KLC1: variants seen among roughly 807,000 people sequenced by gnomAD.
The protein encoded by KLC1 is kinesin 2 60/70kDa.
KLC1 carries 30 observed loss-of-function variants against 84.2 expected under a neutral mutation model. The observed-to-expected ratio is 0.36, with a 90% CI of 0.27 to 0.48. KLC1 has a LOEUF of 0.48. Ranked by LOEUF, KLC1 falls within the 20% of genes least tolerant of loss-of-function variation. The pLI is 0.99. For missense variants in KLC1, 499 were observed against 805.4 expected (o/e 0.62, Z 4.60); for synonymous variants, 289 against 293.3 (o/e 0.99, Z 0.15).
At chr14:103,677,603 G>A (rs1354782059) in intron 12 of KLC1, 80 bp downstream of exon 12, 1 of 817,428 alleles carries the variant, frequency 1.2e-6, no homozygotes, top group East Asian at 2.5e-5. Flanking sequence ...TTTATTGAAA[G>A]CTTGATTTAG....
rs899652933 is a variant in KLC1 at position 103,693,679 on chromosome 14, C to T, written c.1848+1254C>T. The T allele has an allele frequency of 2.0e-6, 3 of 1,522,678 alleles. No homozygotes were observed. The highest frequency in any genetic ancestry group is 2.6e-6 in the Non-Finnish European group (3 of 1,138,926). 94.3% of individuals were successfully genotyped at this position (1,522,678 alleles called of 1,614,324 possible). A position where few individuals can be genotyped will look rare whatever the true frequency, so the allele number is the denominator to read the frequency against. ...TGAGACCGCCCCGCCCTGCCACGCC[C>T]CTCACCGCCCTGCCCGGAGGCGCCA... On this transcript the variant is annotated intron_variant, in intron 15 of 16. Coordinates refer to ENST00000334553, the MANE Select transcript of KLC1 (RefSeq NM_001394837.1). The surrounding 1 kb of genome is among the most constrained non-coding windows in gnomAD (Gnocchi z 5.1).
chr14:103,670,024 T>C (rs1268167805), intron 6 of KLC1, among the ~76,000 whole-genome samples, 158 bp from the exon 7 acceptor site: 1 of 152,192 alleles, frequency 6.6e-6, no homozygotes, highest in Non-Finnish European at 1.5e-5. Context: ...ATCTATACTC[T>C]AGTGAATTGC....
chr14:103,700,765 C>A, intron 16 of KLC1, 38 bp downstream of exon 16: 1 of 1,505,994 alleles, frequency 6.6e-7, no homozygotes, highest in Non-Finnish European at 9.0e-7. Flanking sequence ...AAGCAGGCAG[C>A]TGGGCCAGGG....
chr14:103,638,175 A>T (rs1323879745), intron 1 of KLC1, among the ~76,000 whole-genome samples: 1 of 151,828 alleles, frequency 6.6e-6, no homozygotes, highest in Non-Finnish European at 1.5e-5. Flanking sequence ...TCGGTAAAAC[A>T]TCCCTTATAA....
intron 1 of KLC1, among the ~76,000 whole-genome samples, chr14:103,641,167 C>T (rs147104868): frequency 1.3e-5 from 2 of 152,140 alleles, no homozygotes; most frequent in Non-Finnish European, 2.9e-5. Flanking sequence ...TTAAGTGATC[C>T]ACCTGCCTCG....
intron 12 of KLC1, 127 bp from the exon 13 acceptor site, chr14:103,679,257 C>T (rs1054190701): frequency 4.7e-6 from 6 of 1,275,952 alleles, no homozygotes; most frequent in Non-Finnish European, 6.5e-6. Context: ...AACCACTCTT[C>T]CAATGTTTTT....
At chr14:103,643,564 G>A (rs1371077538) in intron 1 of KLC1, among the ~76,000 whole-genome samples, 2 of 152,206 alleles carry the variant, frequency 1.3e-5, no homozygotes, top group Non-Finnish European at 2.9e-5. Context: ...ATGTGCCCAA[G>A]GTGGTCGGGG....
intron 5 of KLC1, among the ~76,000 whole-genome samples, chr14:103,663,426 A>G (rs2079465275): frequency 6.6e-6 from 1 of 152,150 alleles, no homozygotes; most frequent in Non-Finnish European, 1.5e-5. Flanking sequence ...AGAAGAACAG[A>G]TGCTGCCCGT....
At chr14:103,658,259 T>A (rs61436277) in intron 3 of KLC1, among the ~76,000 whole-genome samples, 38,367 of 151,876 alleles carry the variant, frequency 0.25, 5,258 homozygotes, top group East Asian at 0.53. Context: ...CGATCTTGGT[T>A]TTCTTCTTCT....
At chr14:103,699,450 GGGCGGA>G (rs761813245) in intron 15 of KLC1, 1 of 1,612,922 alleles carries the variant, frequency 6.2e-7, no homozygotes, top group Non-Finnish European at 8.5e-7. Context: ...CTGGCCCTGG[GGGCGGA>G]GGCCTGGCTG....
chr14:103,679,730 C>T, intron 13 of KLC1, 185 bp downstream of exon 13: 1 of 544,640 alleles, frequency 1.8e-6, no homozygotes, highest in Non-Finnish European at 3.3e-6. Context: ...TGGTAATTTT[C>T]TTCTCAGGAA....
At chr14:103,653,177 T>G (rs2078590961) in intron 1 of KLC1, among the ~76,000 whole-genome samples, 1 of 152,146 alleles carries the variant, frequency 6.6e-6, no homozygotes, top group Non-Finnish European at 1.5e-5. Context: ...AGGGTCTTGC[T>G]CCGTCACCCA....
chr14:103,662,678 C>T, intron 4 of KLC1, 24 bp from the exon 5 acceptor site: 1 of 1,517,816 alleles, frequency 6.6e-7, no homozygotes, highest in Non-Finnish European at 8.9e-7. Context: ...AAAAACCCAT[C>T]TGAAGTGAAC....
Position 103,667,216 on chromosome 14 carries a change from A to C in KLC1, c.798-2295A>C, listed in dbSNP as rs553114627. On this transcript the variant is annotated intron_variant, in intron 5 of 16. Transcript: ENST00000334553. ...AACCTCTGCCTCCTGGGTTCAAGCG[A>C]TTCTTCTGCCTCAGGCTCCCGAGTA... Among the ~76,000 whole-genome samples the C allele has an allele frequency of 3.3e-5, 5 of 152,168 alleles. No homozygotes were observed. The South Asian group carries it at 1.0e-3, about 32-fold the overall frequency.
chr14:103,644,353 G>A (rs1287745097), intron 1 of KLC1, among the ~76,000 whole-genome samples: 4 of 150,092 alleles, frequency 2.7e-5, no homozygotes, highest in East Asian at 2.0e-4. Context: ...TCCGCCTCCC[G>A]AGTTCAAGCA....
chr14:103,682,098 C>T (rs1439082650), intron 13 of KLC1, among the ~76,000 whole-genome samples: 3 of 152,044 alleles, frequency 2.0e-5, no homozygotes, highest in Admixed American at 1.3e-4. Flanking sequence ...TTGCCGGGCG[C>T]GGTGGCTCAC....
At chr14:103,650,513 C>T (rs1250950993) in intron 1 of KLC1, among the ~76,000 whole-genome samples, 1 of 151,768 alleles carries the variant, frequency 6.6e-6, no homozygotes, top group Non-Finnish European at 1.5e-5. Flanking sequence ...AACTTAGATA[C>T]TGAGTAATTT....
At chr14:103,656,962 A>G (rs770110921) in intron 2 of KLC1, among the ~76,000 whole-genome samples, 3 of 151,892 alleles carry the variant, frequency 2.0e-5, no homozygotes, top group South Asian at 2.1e-4. Context: ...ACCAGTGAGC[A>G]CTCTGTAGGC....
At chr14:103,659,023 G>A (rs968679749) in intron 3 of KLC1, among the ~76,000 whole-genome samples, 15 of 150,336 alleles carry the variant, frequency 1.0e-4, no homozygotes, top group Non-Finnish European at 1.9e-4. Flanking sequence ...TGTACCCCAG[G>A]CTGGAGTGCA....
Sources: gnomAD v4.1 joint callset for allele counts (sites outside exome capture counted in the v4.1 genomes callset) on GRCh38, gnomAD v4.1.1 for gene constraint, Gnocchi (gnomAD v3.1) non-coding constraint, MANE v1.5 for transcripts, NCBI Gene and HGNC (gene_info 2026-07-23, HGNC 2026-07-21) for gene names.